ADCYAP1R1: variants seen among roughly 807,000 people sequenced by gnomAD.
ADCYAP1R1 encodes the protein ADCYAP receptor type I.
ADCYAP1R1 carries 44 observed loss-of-function variants against 67.6 expected under a neutral mutation model. The observed-to-expected ratio is 0.65, with a 90% confidence interval of 0.51 to 0.84. The LOEUF is 0.84. Among genes scored for constraint, ADCYAP1R1 ranks in the 40% least tolerant of loss-of-function variants. The probability of loss-of-function intolerance (pLI) is 0.00; values close to 1 mark genes in which losing one functional copy is unlikely to be tolerated. For synonymous variants in ADCYAP1R1, 222 were observed against 219.6 expected (o/e 1.01, Z -0.10); for missense variants, 477 against 587.9 (o/e 0.81, Z 1.95).
At chr7:31,093,697 CCTT>C (rs1796065387) in intron 13 of ADCYAP1R1, among the ~76,000 whole-genome samples, 1 of 152,110 alleles carries the variant, frequency 6.6e-6, no homozygotes, top group Admixed American at 6.5e-5. Flanking sequence ...CTTCTCCGCT[CCTT>C]CAGAAGAAAG....
At chr7:31,075,826 G>C (rs1436843015) in intron 3 of ADCYAP1R1, among the ~76,000 whole-genome samples, 1 of 152,146 alleles carries the variant, frequency 6.6e-6, no homozygotes, top group Non-Finnish European at 1.5e-5. Context: ...TCAGTGAGGG[G>C]TCCTGAGCCT....
chr7:31,055,707 G>A (rs943762255), intron 1 of ADCYAP1R1, among the ~76,000 whole-genome samples: 2 of 152,200 alleles, frequency 1.3e-5, no homozygotes, highest in African/African-American at 2.4e-5. Flanking sequence ...CAGCTCCTGC[G>A]ATGTAAGGTT....
intron 2 of ADCYAP1R1, among the ~76,000 whole-genome samples, chr7:31,064,556 C>T (rs571775031): frequency 6.6e-5 from 10 of 152,132 alleles, no homozygotes; most frequent in Non-Finnish European, 1.2e-4. Context: ...GTGCTATATG[C>T]GCTTGCTAAT....
intron 13 of ADCYAP1R1, among the ~76,000 whole-genome samples, chr7:31,100,875 G>C (rs949518433): frequency 2.0e-5 from 3 of 152,148 alleles, no homozygotes; most frequent in Non-Finnish European, 4.4e-5. Context: ...AGGTGCCATT[G>C]CTCCCCTGGG....
chr7:31,078,687 G>A (rs889356544), intron 4 of ADCYAP1R1, among the ~76,000 whole-genome samples: 2 of 152,202 alleles, frequency 1.3e-5, no homozygotes, highest in Admixed American at 1.3e-4. Context: ...GTTGGGGCTG[G>A]CGCACACTCA....
At chr7:31,065,197 G>A (rs114884469) in intron 3 of ADCYAP1R1, among the ~76,000 whole-genome samples, 320 of 152,344 alleles carry the variant, frequency 2.1e-3, no homozygotes, top group African/African-American at 7.5e-3. Flanking sequence ...AGCTGGGATA[G>A]CACTGGTGCC....
At chr7:31,094,177 C>T (rs568761744) in intron 13 of ADCYAP1R1, among the ~76,000 whole-genome samples, 1 of 152,188 alleles carries the variant, frequency 6.6e-6, no homozygotes, top group African/African-American at 2.4e-5. Context: ...CAAGTTTTTA[C>T]CAATTCTTGC....
At chr7:31,098,063 G>T (rs1796277621) in intron 13 of ADCYAP1R1, among the ~76,000 whole-genome samples, 1 of 151,972 alleles carries the variant, frequency 6.6e-6, no homozygotes, top group Admixed American at 6.6e-5. Context: ...ACTACGCCCG[G>T]CTAATTTTTT....
intron 1 of ADCYAP1R1, chr7:31,056,873 CTTG>C (rs1183316155): frequency 3.9e-5 from 6 of 152,298 alleles, no homozygotes; most frequent in Admixed American, 3.3e-4. Context: ...CTCCTGATAT[CTTG>C]TTGTGTTCCT....
At chr7:31,057,796 G>A (rs573950260) in intron 1 of ADCYAP1R1, among the ~76,000 whole-genome samples, 23 of 152,308 alleles carry the variant, frequency 1.5e-4, no homozygotes, top group African/African-American at 5.1e-4. Flanking sequence ...AAGTAGGGGC[G>A]GTCCAGCTCC....
intron 3 of ADCYAP1R1, among the ~76,000 whole-genome samples, chr7:31,067,974 G>T (rs949684249): frequency 6.6e-6 from 1 of 152,146 alleles, no homozygotes; most frequent in Non-Finnish European, 1.5e-5. Flanking sequence ...TAGGAAGCAG[G>T]TCAGCGCCAC....
At chr7:31,081,246 C>T (rs551742016) in intron 5 of ADCYAP1R1, among the ~76,000 whole-genome samples, 15 of 152,252 alleles carry the variant, frequency 9.9e-5, no homozygotes, top group Non-Finnish European at 2.2e-4. Flanking sequence ...GAAAAATTGT[C>T]TGAAGATGAA....
At chr7:31,098,058 G>A (rs566196878) in intron 13 of ADCYAP1R1, among the ~76,000 whole-genome samples, 15 of 152,012 alleles carry the variant, frequency 9.9e-5, no homozygotes, top group South Asian at 2.1e-4. Flanking sequence ...CTGCCACTAC[G>A]CCCGGCTAAT....
chr7:31,069,485 G>A (rs1209994543), intron 3 of ADCYAP1R1, among the ~76,000 whole-genome samples: 1 of 152,074 alleles, frequency 6.6e-6, no homozygotes, highest in Admixed American at 6.5e-5. Flanking sequence ...TTTTATCTAG[G>A]TTTAATATAC....
rs2128640353 is a variant in ADCYAP1R1, at chr7:31,102,247, C to T, written c.1047-990C>T. 6.6e-6 allele frequency among the ~76,000 whole-genome samples: 1 copy of T among 152,344 alleles called. No homozygotes were observed. Among genetic ancestry groups the T allele is most frequent in the South Asian group, 2.1e-4 (1 of 4,824 alleles). Reference sequence around the variant, plus strand: ...GTGCTGGGAGATGGGGAGGCTGATCCTCTGGAGGAGATGGGCCAGGTGCAG... The same window carrying T: ...GTGCTGGGAGATGGGGAGGCTGATCTTCTGGAGGAGATGGGCCAGGTGCAG... On this transcript the variant is annotated intron_variant, in intron 13 of 15. Coordinates refer to ENST00000304166, the MANE Select transcript of ADCYAP1R1 (RefSeq NM_001118.5). This position sits in a 1 kb window ranked among gnomAD's most constrained non-coding sequence, Gnocchi z 4.3.
intron 8 of ADCYAP1R1, 150 bp downstream of exon 8, chr7:31,084,984 TCACTC>T: frequency 1.2e-6 from 1 of 833,110 alleles, no homozygotes; most frequent in Non-Finnish European, 2.0e-6. Flanking sequence ...ATGGGAAACT[TCACTC>T]CAGAGAGGGC....
chr7:31,079,998 A>G (rs1426427797), intron 4 of ADCYAP1R1, among the ~76,000 whole-genome samples: 1 of 152,112 alleles, frequency 6.6e-6, no homozygotes, highest in Non-Finnish European at 1.5e-5. Flanking sequence ...CCATTCATGT[A>G]TTTCTTTCGT....
At chr7:31,065,751 A>G (rs1235523184) in intron 3 of ADCYAP1R1, among the ~76,000 whole-genome samples, 3 of 152,080 alleles carry the variant, frequency 2.0e-5, no homozygotes, top group Non-Finnish European at 2.9e-5. Flanking sequence ...GGCCTCTCCA[A>G]CCTCACTTTT....
chr7:31,077,888 G>GTGGTGTGTGTGGTGTGTATGT, intron 3 of ADCYAP1R1, 103 bp from the exon 4 acceptor site: 1 of 664,350 alleles, frequency 1.5e-6, no homozygotes, highest in Non-Finnish European at 2.6e-6. Context: ...TGTGGTGTCT[G>GTGGTGTGTGTGGTGTGTATGT]TGGTGTGTGT....
Sources: allele counts gnomAD v4.1 joint callset (sites outside exome capture counted in the v4.1 genomes callset), GRCh38; gene constraint gnomAD v4.1.1; non-coding constraint Gnocchi (gnomAD v3.1); transcripts MANE v1.5; gene names NCBI Gene and HGNC (gene_info 2026-07-23, HGNC 2026-07-21).